Variants in MACROD2 observed in about 807,000 individuals in gnomAD.
The protein encoded by MACROD2 is ADP-ribose glycohydrolase MACROD2.
Under a neutral mutation model 70.4 loss-of-function variants are expected in MACROD2, and 36 were observed. The observed-to-expected ratio is 0.51, with a 90% confidence interval of 0.39 to 0.68. MACROD2 has a LOEUF of 0.68. Among genes scored for constraint, MACROD2 ranks in the 30% least tolerant of loss-of-function variants. The probability of loss-of-function intolerance (pLI) is 0.00; values close to 1 mark genes in which losing one functional copy is unlikely to be tolerated. For synonymous variants in MACROD2, 172 were observed against 178.8 expected (o/e 0.96, Z 0.30); for missense variants, 496 against 538.4 (o/e 0.92, Z 0.78).
chr20:15,095,058 C>CTTTTTTTTTTT (rs1568570303), intron 5 of MACROD2, among the ~76,000 whole-genome samples: 2 of 58,048 alleles, frequency 3.4e-5, no homozygotes, highest in African/African-American at 1.8e-4. Context: ...ACTGTGGTCT[C>CTTTTTTTTTTT]CTCTTCTTTT....
At chr20:14,485,439 C>A (rs188752339) in intron 3 of MACROD2, among the ~76,000 whole-genome samples, 3 of 152,138 alleles carry the variant, frequency 2.0e-5, no homozygotes, top group Non-Finnish European at 2.9e-5. Flanking sequence ...TGGTGGCTCA[C>A]GCCTGTAATC....
At chr20:14,116,993 G>A (rs2054523001) in intron 3 of MACROD2, among the ~76,000 whole-genome samples, 1 of 151,636 alleles carries the variant, frequency 6.6e-6, no homozygotes, top group South Asian at 2.1e-4. Context: ...CTTGAACCCG[G>A]GAGGCAGAGG....
intron 4 of MACROD2, among the ~76,000 whole-genome samples, chr20:14,570,349 A>G (rs917278940): frequency 6.6e-6 from 1 of 151,952 alleles, no homozygotes; most frequent in Admixed American, 6.6e-5. Flanking sequence ...TTATTGTTGG[A>G]GGGTGAGTAG....
chr20:14,005,041 T>C (rs1298063760), intron 2 of MACROD2, among the ~76,000 whole-genome samples: 2 of 152,176 alleles, frequency 1.3e-5, no homozygotes, highest in African/African-American at 4.8e-5. Context: ...TTCTTGTTAT[T>C]ATAATACAAT....
intron 15 of MACROD2, among the ~76,000 whole-genome samples, chr20:16,023,015 A>G (rs1231231026): frequency 1.3e-5 from 2 of 152,178 alleles, no homozygotes; most frequent in African/African-American, 4.8e-5. Flanking sequence ...ATCTCAGAAG[A>G]GTTTTATTTT....
At chr20:15,241,488 G>A (rs2077059051) in intron 6 of MACROD2, among the ~76,000 whole-genome samples, 1 of 152,106 alleles carries the variant, frequency 6.6e-6, no homozygotes, top group South Asian at 2.1e-4. Flanking sequence ...ATAGAACTGA[G>A]TAGAGATCCA....
chr20:14,956,606 G>A (rs117057989), intron 5 of MACROD2, among the ~76,000 whole-genome samples: 1 of 152,008 alleles, frequency 6.6e-6, no homozygotes, highest in Non-Finnish European at 1.5e-5. Context: ...GTTAATTGGG[G>A]GTGATACTAG....
chr20:14,060,912 T>A (rs1013764829), intron 2 of MACROD2, among the ~76,000 whole-genome samples: 1 of 152,158 alleles, frequency 6.6e-6, no homozygotes, highest in Non-Finnish European at 1.5e-5. Flanking sequence ...TTTTAAAATA[T>A]TCAAGCTTTA....
intron 5 of MACROD2, among the ~76,000 whole-genome samples, chr20:14,873,951 A>G (rs144073108): frequency 1.3e-5 from 2 of 152,280 alleles, no homozygotes; most frequent in East Asian, 3.9e-4. Flanking sequence ...ACTTTAACAG[A>G]TAAGAACTAT....
At chr20:15,646,642 T>C (rs2049549171) in intron 8 of MACROD2, among the ~76,000 whole-genome samples, 1 of 152,140 alleles carries the variant, frequency 6.6e-6, no homozygotes, top group South Asian at 2.1e-4. Flanking sequence ...GTGGAGGTAA[T>C]TGGATCATGG....
At chr20:15,869,210 CATAT>C (rs778142501) in intron 9 of MACROD2, among the ~76,000 whole-genome samples, 1,315 of 51,870 alleles carry the variant, frequency 0.025, 89 homozygotes, top group African/African-American at 0.07. Flanking sequence ...ATGTGATTAA[CATAT>C]ATATATATAT....
intron 6 of MACROD2, among the ~76,000 whole-genome samples, chr20:15,292,484 G>A (rs2146109386): frequency 6.6e-6 from 1 of 152,190 alleles, no homozygotes; most frequent in East Asian, 1.9e-4. Flanking sequence ...TGGGGATTAT[G>A]GGAGCTACAA....
chr20:14,319,588 CT>C (rs1383793795), intron 3 of MACROD2, among the ~76,000 whole-genome samples: 1 of 152,144 alleles, frequency 6.6e-6, no homozygotes, highest in Non-Finnish European at 1.5e-5. Context: ...ACCCTAGAGG[CT>C]TTTCCCTCAT....
intron 5 of MACROD2, among the ~76,000 whole-genome samples, chr20:14,692,397 A>G (rs964517110): frequency 9.2e-5 from 14 of 152,136 alleles, no homozygotes; most frequent in African/African-American, 3.4e-4. Context: ...ATTTTCCACT[A>G]GTGATGACAT....
At chr20:15,986,948 C>T in intron 14 of MACROD2, 118 bp from the exon 15 acceptor site, 2 of 1,061,538 alleles carry the variant, frequency 1.9e-6, no homozygotes. Context: ...ACTTGGTGTA[C>T]CTATTGAAAC....
intron 8 of MACROD2, among the ~76,000 whole-genome samples, chr20:15,567,010 A>G (rs1439045914): frequency 6.6e-6 from 1 of 152,048 alleles, no homozygotes. Flanking sequence ...CTTTTTTTTA[A>G]TGTTTTTTGT....
intron 8 of MACROD2, among the ~76,000 whole-genome samples, chr20:15,534,941 C>A (rs2047853504): frequency 6.6e-6 from 1 of 152,096 alleles, no homozygotes; most frequent in Admixed American, 6.6e-5. Context: ...ATTCTAAATT[C>A]TTTGACCGGA....
intron 3 of MACROD2, among the ~76,000 whole-genome samples, chr20:14,114,465 T>C (rs548027303): frequency 1.3e-5 from 2 of 152,166 alleles, no homozygotes; most frequent in Non-Finnish European, 1.5e-5. Flanking sequence ...TGATTGATTG[T>C]CCAAAGCCTA....
intron 4 of MACROD2, among the ~76,000 whole-genome samples, chr20:14,579,996 A>G (rs960770623): frequency 6.6e-5 from 10 of 152,220 alleles, no homozygotes; most frequent in African/African-American, 2.2e-4. Flanking sequence ...ATGTAAAAAG[A>G]CGGAATGTTT....
Sources: allele counts gnomAD v4.1 joint callset (sites outside exome capture counted in the v4.1 genomes callset), GRCh38; gene constraint gnomAD v4.1.1; transcripts MANE v1.5; gene names NCBI Gene and HGNC (gene_info 2026-07-23, HGNC 2026-07-21).